Variants in RGP1 observed in about 807,000 individuals in gnomAD.
RGP1 encodes the protein RAB6A-GEF complex partner protein 2.
In RGP1, 28 loss-of-function variants were observed where a neutral mutation model predicts 44.5. The observed-to-expected ratio is 0.63, with a 90% CI of 0.47 to 0.86. The LOEUF (loss-of-function observed/expected upper bound fraction) is 0.86, where lower values mean the gene tolerates loss of function less well. Ranked by LOEUF, RGP1 falls within the 40% of genes least tolerant of loss-of-function variation. The pLI is 0.00. For synonymous variants in RGP1, 212 were observed against 196.7 expected, an observed-to-expected ratio of 1.08 and a Z score of -0.65; for missense variants, 417 against 490.7, an observed-to-expected ratio of 0.85 and a Z score of 1.42.
At chr9:35,789,507 G>C in the RGP1 span, among the ~76,000 whole-genome samples, 38 of 152,116 alleles carry the variant, frequency 2.5e-4, no homozygotes, top group African/African-American at 8.5e-4. Context: ...TTACAGGCAA[G>C]AGCCACCGTG....
chr9:35,776,650 AG>A, the RGP1 span, among the ~76,000 whole-genome samples: 1 of 152,124 alleles, frequency 6.6e-6, no homozygotes, highest in South Asian at 2.1e-4. Flanking sequence ...TTGGCCCTCA[AG>A]GAAGAGTCTA....
the RGP1 span, among the ~76,000 whole-genome samples, chr9:35,764,044 A>C: frequency 2.0e-5 from 3 of 151,868 alleles, no homozygotes; most frequent in Non-Finnish European, 4.4e-5. Flanking sequence ...GCTTGAGGCT[A>C]GGAGGTTGAG....
At position 35,750,314 on chromosome 9, in the gene RGP1, C is replaced by G. The variant is rs1445428172; in HGVS notation, c.188C>G (p.Pro63Arg). The change falls in exon 3 of 9, where the codon CCT becomes CGT. Residue 63 changes from proline (P) to arginine (R), a missense_variant. By Grantham distance (103) the Pro-to-Arg change is moderately radical. Coordinates refer to ENST00000378078, the MANE Select transcript of RGP1 (RefSeq NM_001080496.3). ...FHASESRVAL[P>R]PPDSSQPDVQ... The stretch of plus-strand genomic sequence containing the variant: ...GCCAGTGAGAGTCGAGTAGCACTGC[C>G]TCCTCCTGACTCTAGTCAGCCAGAT... 2 of 1,613,988 alleles carry G rather than the reference C, an allele frequency of 1.2e-6. No individual in the cohort carries two copies. Among genetic ancestry groups the G allele is most frequent in the Non-Finnish European group, 1.7e-6 (2 of 1,179,890 alleles).
At chr9:35,770,744 G>A in the RGP1 span, among the ~76,000 whole-genome samples, 155 of 152,252 alleles carry the variant, frequency 1.0e-3, no homozygotes, top group African/African-American at 3.4e-3. Context: ...TCCTGGAGAT[G>A]CTTAGGTTAC....
At position 35,751,283 on chromosome 9, in the gene RGP1, T is replaced by C; in HGVS notation, c.505T>C (p.Phe169Leu). 2 of 1,614,000 alleles carry C rather than the reference T, an allele frequency of 1.2e-6. No individual in the cohort carries two copies. The highest frequency in any genetic ancestry group is 1.1e-5 in the South Asian group (1 of 91,078). Residue 169 changes from phenylalanine (F) to leucine (L), a missense_variant, in exon 6 of 9, where the codon TTT becomes CTT. Phe to Leu is a conservative substitution (Grantham distance 22). Coordinates refer to ENST00000378078, the MANE Select transcript of RGP1 (RefSeq NM_001080496.3). Reference protein sequence around the residue: ...LVLTGLQDVRFPQDEAVAPSS... With the variant: ...LVLTGLQDVRLPQDEAVAPSS... ...TTCTCTAGGCCTTCAGGATGTCCGG[T>C]TTCCCCAGGATGAGGCTGTAGCCCC...
downstream of RGP1, among the ~76,000 whole-genome samples, chr9:35,761,539 T>C (rs1447593023): frequency 1.3e-5 from 2 of 152,000 alleles, no homozygotes; most frequent in Admixed American, 6.6e-5. Flanking sequence ...CCAGGTGTGG[T>C]GGTGCACTCC....
In RGP1 at chr9:35,749,831, G is replaced by A. The variant is rs1265397140; in HGVS notation, c.76G>A (p.Val26Ile). ...AGEALECVVT[V>I]TNPLPPTATS... Reference sequence around the variant, plus strand: ...GGAGGCGCTGGAGTGTGTAGTGACCGTCACCAACCCCCTTCCGCCCACGGC... The same window carrying A: ...GGAGGCGCTGGAGTGTGTAGTGACCATCACCAACCCCCTTCCGCCCACGGC... Residue 26 changes from valine (V) to isoleucine (I), a missense_variant, in exon 2 of 9, where the codon GTC becomes ATC. Val to Ile is a conservative substitution (Grantham distance 29, BLOSUM62 3). Transcript: ENST00000378078. The surrounding 1 kb of genome is among the most constrained non-coding windows in gnomAD (Gnocchi z 4.4). 3.7e-6 allele frequency: 6 copies of A among 1,613,612 alleles called. No individual in the cohort carries two copies. Among genetic ancestry groups the A allele is most frequent in the Admixed American group, 1.7e-5 (1 of 59,964 alleles).
rs756022643 is a variant in RGP1, at chr9:35,751,310, TC to T, written c.534del (p.Ser179ValfsTer16). ...TCCCCAGGATGAGGCTGTAGCCCCA[TC>T]CAGTCCATTCTTGGAGGAGGATGAA... ...RFPQDEAVAP[S>X]SPFLEEDEGG... On this transcript the variant is annotated frameshift_variant, in exon 6 of 9. Coordinates refer to ENST00000378078, the MANE Select transcript of RGP1 (RefSeq NM_001080496.3). LOFTEE classifies it high-confidence loss of function. 1.2e-5 allele frequency: 20 copies of T among 1,613,860 alleles called. No homozygotes were observed. In the East Asian group the frequency reaches 4.5e-4, roughly 36 times the overall value.
intron 7 of RGP1, 76 bp downstream of exon 7, chr9:35,751,830 G>C: frequency 6.2e-7 from 1 of 1,601,168 alleles, no homozygotes. Flanking sequence ...TGTATAAAGA[G>C]GGGTGGCATG....
the RGP1 span, among the ~76,000 whole-genome samples, chr9:35,784,467 G>C: frequency 1.3e-5 from 2 of 152,038 alleles, no homozygotes; most frequent in Non-Finnish European, 2.9e-5. Flanking sequence ...TATTTATTTA[G>C]AGACAGAGTT....
At chr9:35,789,837 A>G in the RGP1 span, among the ~76,000 whole-genome samples, 7 of 152,140 alleles carry the variant, frequency 4.6e-5, no homozygotes, top group African/African-American at 1.7e-4. Context: ...CTGCATTTTA[A>G]TCTCTCTTTT....
chr9:35,752,654 C>A lies in RGP1; in HGVS notation c.956C>A (p.Ser319Tyr). The stretch of plus-strand genomic sequence containing the variant: ...CCTTAATCTTTTTCTTCCATAGTGT[C>A]CTTGAAGTGGAGATTGCATTTTGAA... ...STPGFCTAIV[S>Y]LKWRLHFEFV... The change falls in exon 9 of 9, where the codon TCC (serine) becomes TAC (tyrosine). Residue 319 changes from serine to tyrosine, a missense_variant. Physicochemically the swap from Ser to Tyr is moderately radical, Grantham distance 144. Transcript: ENST00000378078. 6.2e-7 allele frequency: 1 copy of A among 1,608,192 alleles called. No individual in the cohort carries two copies. Among genetic ancestry groups the A allele is most frequent in the South Asian group, 1.1e-5 (1 of 90,128 alleles).
downstream of RGP1, among the ~76,000 whole-genome samples, chr9:35,759,612 TATGAAA>T (rs987051297): frequency 1.4e-5 from 2 of 142,726 alleles, no homozygotes; most frequent in African/African-American, 2.6e-5. Context: ...AATTCTTTGC[TATGAAA>T]CTGAAATTGC....
the RGP1 span, among the ~76,000 whole-genome samples, chr9:35,782,516 G>A: frequency 1.3e-5 from 2 of 152,096 alleles, no homozygotes; most frequent in African/African-American, 2.4e-5. Context: ...GCACGACCTC[G>A]GCTCACTGCA....
In RGP1 at chr9:35,753,426, T is replaced by C; in HGVS notation, c.*552T>C. On this transcript the variant is annotated 3_prime_UTR_variant, in exon 9 of 9. Coordinates refer to ENST00000378078, the MANE Select transcript of RGP1 (RefSeq NM_001080496.3). This position sits in a 1 kb window ranked among gnomAD's most constrained non-coding sequence, Gnocchi z 4.2. ...CTCCTAACTAAGCTGTCACCTACCA[T>C]ATGTGGGCCTTTTTGTTTTATAACA... 1.1e-6 allele frequency: 1 copy of C among 888,460 alleles called. No individual in the cohort carries two copies. The highest frequency in any genetic ancestry group is 1.7e-6 in the Non-Finnish European group (1 of 593,852). 55.0% of individuals were successfully genotyped at this position (888,460 alleles called of 1,614,324 possible). A position where few individuals can be genotyped will look rare whatever the true frequency, so the allele number is the denominator to read the frequency against.
Position 35,751,936 on chromosome 9 carries a change from C to T in RGP1, c.763-20C>T, listed in dbSNP as rs1167360728. 5 of 1,563,376 alleles carry T rather than the reference C, an allele frequency of 3.2e-6. No individual in the cohort carries two copies. The highest frequency in any genetic ancestry group is 1.7e-4 in the Middle Eastern group (1 of 5,730). ...ACAGACAGCACTTCCTGTTAGCACACACCTGTCTCTTGCTCCCAGTTTTCA... is the reference window on the plus strand; with the variant it reads ...ACAGACAGCACTTCCTGTTAGCACATACCTGTCTCTTGCTCCCAGTTTTCA... On this transcript the variant is annotated intron_variant, in intron 7 of 8. Transcript: ENST00000378078.
the RGP1 span, among the ~76,000 whole-genome samples, chr9:35,782,618 G>A: frequency 3.9e-4 from 59 of 152,048 alleles, 1 homozygote; most frequent in South Asian, 0.012. Flanking sequence ...GCTAATTTTT[G>A]CATTTTTAGT....
chr9:35,767,283 G>GTTT, the RGP1 span, among the ~76,000 whole-genome samples: 1,125 of 108,368 alleles, frequency 0.01, 16 homozygotes, highest in Middle Eastern at 0.017. Flanking sequence ...AAGCAAATTG[G>GTTT]TTTTTTTTTT....
In RGP1 at chr9:35,754,477, T is replaced by G; in HGVS notation, c.*1603T>G. 3 of 180,810 alleles carry G rather than the reference T, an allele frequency of 1.7e-5. No homozygotes were observed. Among genetic ancestry groups the G allele is most frequent in the Admixed American group, 6.1e-5 (1 of 16,312 alleles). The allele number at this position is 180,810 out of a possible 1,614,324, so 11.2% of individuals were successfully genotyped here. On this transcript the variant is annotated 3_prime_UTR_variant, in exon 9 of 9. Transcript: ENST00000378078. Reference sequence around the variant, plus strand: ...ATGGAGGGGGCACTGGACTGGGCACTTCCCCAGCAAGGAGGCAGGAGGGGC... The same window carrying G: ...ATGGAGGGGGCACTGGACTGGGCACGTCCCCAGCAAGGAGGCAGGAGGGGC...
Sources: allele counts gnomAD v4.1 joint callset (sites outside exome capture counted in the v4.1 genomes callset), GRCh38; gene constraint gnomAD v4.1.1; non-coding constraint Gnocchi (gnomAD v3.1); transcripts MANE v1.5; gene names NCBI Gene and HGNC (gene_info 2026-07-23, HGNC 2026-07-21).